The following PRDM16 variants were observed in gnomAD, a reference collection of about 807,000 sequenced individuals.
PRDM16 encodes the protein histone-lysine N-methyltransferase PRDM16.
PRDM16 carries 23 observed loss-of-function variants against 110.6 expected under a neutral mutation model. That is an observed-to-expected ratio of 0.21 (90% CI 0.15 to 0.29). PRDM16 has a LOEUF of 0.29. PRDM16 is among the 10% of genes least tolerant of loss of function. The pLI, the probability that PRDM16 is intolerant of heterozygous loss-of-function variation, is 1.00. For synonymous variants in PRDM16, 799 were observed against 781.8 expected (o/e 1.02, Z -0.37); for missense variants, 1,615 against 1,794.3 (o/e 0.90, Z 1.81).
intron 3 of PRDM16, among the ~76,000 whole-genome samples, chr1:3,342,861 T>C (rs1427746298): frequency 6.6e-6 from 1 of 152,222 alleles, no homozygotes; most frequent in African/African-American, 2.4e-5. Context: ...ATGCATGGTA[T>C]GAATAGATCC....
chr1:3,300,448 A>G (rs1001496301), intron 3 of PRDM16, among the ~76,000 whole-genome samples: 2 of 146,052 alleles, frequency 1.4e-5, no homozygotes, highest in South Asian at 2.2e-4. Flanking sequence ...TGAAGATGCT[A>G]TGCTGTGGCC....
chr1:3,336,295 CGT>C (rs1194677110), intron 3 of PRDM16, among the ~76,000 whole-genome samples: 2 of 152,114 alleles, frequency 1.3e-5, no homozygotes, highest in Non-Finnish European at 2.9e-5. Context: ...TGTATGAGCA[CGT>C]GTGTGTCTGT....
intron 3 of PRDM16, among the ~76,000 whole-genome samples, chr1:3,325,325 G>T (rs1331513291): frequency 6.6e-6 from 1 of 152,228 alleles, no homozygotes; most frequent in Non-Finnish European, 1.5e-5. Flanking sequence ...ACGCACAGCT[G>T]CAGAGAGCCA....
chr1:3,253,319 T>C lies in PRDM16; in HGVS notation c.438+9182T>C, dbSNP rs1047306402. On this transcript the variant is annotated intron_variant, in intron 3 of 16. Coordinates refer to ENST00000270722, the MANE Select transcript of PRDM16 (RefSeq NM_022114.4). The stretch of plus-strand genomic sequence containing the variant: ...TGTGCTGTACCCAATAACTCGTCAT[T>C]TAGCATTAGGTATATCTCCTAATGC... 2.1e-4 allele frequency among the ~76,000 whole-genome samples: 31 copies of C among 151,180 alleles called. No individual in the cohort carries two copies. The East Asian group carries it at 2.7e-3, about 13-fold the overall frequency.
rs374365034 is a variant in PRDM16, at chr1:3,404,735, G to T, written c.885-4G>T. The T allele has an allele frequency of 1.9e-6, 3 of 1,613,052 alleles. No individual in the cohort carries two copies. Among genetic ancestry groups the T allele is most frequent in the Admixed American group, 1.7e-5 (1 of 59,970 alleles). On this transcript the variant is annotated splice_region_variant and splice_polypyrimidine_tract_variant and intron_variant, in intron 6 of 16. Coordinates refer to ENST00000270722, the MANE Select transcript of PRDM16 (RefSeq NM_022114.4). ...CCCCGCAGTGAGCCTCGTCCTCTGCGCAGCCTGGAGCAGCACATGGTCATC... is the reference window on the plus strand; with the variant it reads ...CCCCGCAGTGAGCCTCGTCCTCTGCTCAGCCTGGAGCAGCACATGGTCATC...
In PRDM16 at chr1:3,412,180, C is replaced by T. The variant is rs764211215; in HGVS notation, c.1983C>T (p.Ser661=). ...GGLAPPGAPN[S]VAEVPVFYSQ... ...TGGCGCCCCCGGGGGCCCCGAACAG[C>T]GTGGCCGAGGTGCCTGTCTTCTATT... The change falls in exon 9 of 17, where the codon AGC becomes AGT. Residue 661 remains serine, a synonymous_variant. Transcript: ENST00000270722. The T allele has an allele frequency of 1.9e-5, 30 of 1,588,434 alleles. No homozygotes were observed. Among genetic ancestry groups the T allele is most frequent in the East Asian group, 6.8e-5 (3 of 44,438 alleles).
At chr1:3,380,145 T>G (rs1643077416) in intron 3 of PRDM16, among the ~76,000 whole-genome samples, 1 of 149,618 alleles carries the variant, frequency 6.7e-6, no homozygotes, top group African/African-American at 2.5e-5. Flanking sequence ...CCCCTCCCGG[T>G]GCATGCCCTT....
intron 1 of PRDM16, among the ~76,000 whole-genome samples, chr1:3,115,013 G>A (rs1557457959): frequency 6.6e-6 from 1 of 152,280 alleles, no homozygotes; most frequent in Non-Finnish European, 1.5e-5. Flanking sequence ...TCTGGGTGTA[G>A]CCTCTGGAGT....
In PRDM16 at chr1:3,350,266, CAG is replaced by C. The variant is rs1252162167; in HGVS notation, c.439-34881_439-34880del. Among the ~76,000 whole-genome samples the C allele has an allele frequency of 6.6e-6, 1 of 152,156 alleles. No homozygotes were observed. Among genetic ancestry groups the C allele is most frequent in the Non-Finnish European group, 1.5e-5 (1 of 68,036 alleles). The stretch of plus-strand genomic sequence containing the variant: ...GCTTGAGCTCAGGAGGTCCGGGCTA[CAG>C]AGAGCTGTGATCACACCACTATACT... On this transcript the variant is annotated intron_variant, in intron 3 of 16. Transcript: ENST00000270722. This position sits in a 1 kb window ranked among gnomAD's most constrained non-coding sequence, Gnocchi z 7.1.
chr1:3,191,190 T>C (rs1276829760), intron 2 of PRDM16, among the ~76,000 whole-genome samples: 1 of 152,240 alleles, frequency 6.6e-6, no homozygotes, highest in Non-Finnish European at 1.5e-5. Context: ...AAAATGTTAA[T>C]GTGAATTGAT....
chr1:3,173,224 C>G (rs767777972), intron 1 of PRDM16, among the ~76,000 whole-genome samples: 2 of 152,118 alleles, frequency 1.3e-5, no homozygotes, highest in Non-Finnish European at 2.9e-5. Context: ...GGTATATTAA[C>G]CAAGGAATAA....
intron 3 of PRDM16, among the ~76,000 whole-genome samples, chr1:3,380,440 G>A (rs898477533): frequency 1.3e-5 from 2 of 152,124 alleles, no homozygotes; most frequent in African/African-American, 4.8e-5. Flanking sequence ...GAAATGGCTG[G>A]GAAATGAGAG....
At chr1:3,360,700 T>G (rs901939459) in intron 3 of PRDM16, among the ~76,000 whole-genome samples, 6 of 152,206 alleles carry the variant, frequency 3.9e-5, no homozygotes, top group Non-Finnish European at 8.8e-5. Context: ...TGGGCAGACC[T>G]GGGTGGGACA....
chr1:3,437,197 G>C lies in PRDM16; in HGVS notation c.*3386G>C, dbSNP rs1179182417. The C allele has an allele frequency of 1.3e-5, 3 of 232,254 alleles. No homozygotes were observed. The highest frequency in any genetic ancestry group is 6.6e-5 in the African/African-American group (3 of 45,196). The allele number at this position is 232,254 out of a possible 1,614,324, so 14.4% of individuals were successfully genotyped here. A position where few individuals can be genotyped will look rare whatever the true frequency, so the allele number is the denominator to read the frequency against. ...CCTGAGAGACTGCCCAGCTGGAGAG[G>C]CCTTCCTTTACAAGGCCACGCGTGC... On this transcript the variant is annotated 3_prime_UTR_variant, in exon 17 of 17. Coordinates refer to ENST00000270722, the MANE Select transcript of PRDM16 (RefSeq NM_022114.4).
rs992810168 is a variant in PRDM16, at chr1:3,143,936, A to G, written c.38-42189A>G. On this transcript the variant is annotated intron_variant, in intron 1 of 16. Coordinates refer to ENST00000270722, the MANE Select transcript of PRDM16 (RefSeq NM_022114.4). The surrounding 1 kb of genome is among the most constrained non-coding windows in gnomAD (Gnocchi z 4.5). ...TCTTGTCATGTGTTAGTCGTAGTGAAGGCTCCACAAGCACTTTTGAGGCCA... is the reference window on the plus strand; with the variant it reads ...TCTTGTCATGTGTTAGTCGTAGTGAGGGCTCCACAAGCACTTTTGAGGCCA... 3.9e-5 allele frequency among the ~76,000 whole-genome samples: 6 copies of G among 152,104 alleles called. No homozygotes were observed. The highest frequency in any genetic ancestry group is 1.3e-4 in the Admixed American group (2 of 15,278).
At chr1:3,126,279 A>G (rs1643205265) in intron 1 of PRDM16, among the ~76,000 whole-genome samples, 1 of 152,158 alleles carries the variant, frequency 6.6e-6, no homozygotes, top group Admixed American at 6.5e-5. Flanking sequence ...GCCTGGGAAC[A>G]GTGTCGGCCA....
At chr1:3,223,422 A>G (rs1639219579) in intron 2 of PRDM16, among the ~76,000 whole-genome samples, 1 of 152,118 alleles carries the variant, frequency 6.6e-6, no homozygotes, top group Admixed American at 6.6e-5. Flanking sequence ...GGGCTCAGGC[A>G]TCTTCCCCAG....
At chr1:3,105,451 C>A (rs1206360961) in intron 1 of PRDM16, among the ~76,000 whole-genome samples, 1 of 152,226 alleles carries the variant, frequency 6.6e-6, no homozygotes, top group African/African-American at 2.4e-5. Flanking sequence ...TCTTCCGGAG[C>A]GCAGCCTTGC....
intron 5 of PRDM16, among the ~76,000 whole-genome samples, chr1:3,401,022 C>G (rs1643459495): frequency 6.6e-6 from 1 of 152,136 alleles, no homozygotes; most frequent in Non-Finnish European, 1.5e-5. Flanking sequence ...TCTCTTGGGG[C>G]CAGCACCCTG....
Sources: gnomAD v4.1 joint callset for allele counts (sites outside exome capture counted in the v4.1 genomes callset) on GRCh38, gnomAD v4.1.1 for gene constraint, Gnocchi (gnomAD v3.1) non-coding constraint, MANE v1.5 for transcripts, NCBI Gene and HGNC (gene_info 2026-07-23, HGNC 2026-07-21) for gene names.